Variants in PLSCR2 observed in about 807,000 individuals in gnomAD.
PLSCR2 encodes the protein phospholipid scramblase 2.
Under a neutral mutation model 25.3 loss-of-function variants are expected in PLSCR2, and 18 were observed. That is an observed-to-expected ratio of 0.71 (90% CI 0.49 to 1.06). The LOEUF is 1.06. Among genes scored for constraint, PLSCR2 ranks in the 50% least tolerant of loss-of-function variants. The probability of loss-of-function intolerance (pLI) is 0.00; values close to 1 mark genes in which losing one functional copy is unlikely to be tolerated. For synonymous variants in PLSCR2, 88 were observed against 87.3 expected (o/e 1.01, Z -0.04); for missense variants, 243 against 269.5 (o/e 0.90, Z 0.69).
At chr3:146,451,011 T>C (rs2040857597) in intron 5 of PLSCR2, among the ~76,000 whole-genome samples, 1 of 151,726 alleles carries the variant, frequency 6.6e-6, no homozygotes, top group Non-Finnish European at 1.5e-5. Context: ...ATATAACATT[T>C]TAAAAACAAA....
intron 2 of PLSCR2, among the ~76,000 whole-genome samples, chr3:146,414,434 A>G (rs1170047497): frequency 6.6e-6 from 1 of 152,258 alleles, no homozygotes; most frequent in Non-Finnish European, 1.5e-5. Flanking sequence ...GTAGTAAATG[A>G]TCTTGCATAA....
chr3:146,402,234 T>A (rs1231915450), intron 2 of PLSCR2, among the ~76,000 whole-genome samples: 1 of 152,118 alleles, frequency 6.6e-6, no homozygotes, highest in Admixed American at 6.5e-5. Context: ...TTTAAAATGC[T>A]GGGGTTTTAT....
intron 2 of PLSCR2, among the ~76,000 whole-genome samples, chr3:146,417,722 T>A (rs2039037290): frequency 6.6e-6 from 1 of 152,192 alleles, no homozygotes. Context: ...TTCAAAGTAG[T>A]TAGAAGAGAG....
chr3:146,468,012 C>T (rs896916834), intron 1 of PLSCR2, among the ~76,000 whole-genome samples: 2 of 152,160 alleles, frequency 1.3e-5, no homozygotes, highest in Non-Finnish European at 2.9e-5. Context: ...CACTTTAAGA[C>T]CTCAAAGGCC....
At chr3:146,449,646 T>C (rs1339816057) in intron 5 of PLSCR2, among the ~76,000 whole-genome samples, 2 of 152,162 alleles carry the variant, frequency 1.3e-5, no homozygotes, top group Admixed American at 6.5e-5. Flanking sequence ...ATGTTTTATT[T>C]ATTTGAATTT....
intron 5 of PLSCR2, among the ~76,000 whole-genome samples, chr3:146,452,204 G>T (rs573684054): frequency 6.6e-6 from 1 of 152,054 alleles, no homozygotes; most frequent in Non-Finnish European, 1.5e-5. Flanking sequence ...CCCAGTTGAT[G>T]TCTGTAGAGA....
At chr3:146,435,189 G>A (rs962993932) in intron 8 of PLSCR2, among the ~76,000 whole-genome samples, 4 of 152,056 alleles carry the variant, frequency 2.6e-5, no homozygotes, top group Non-Finnish European at 5.9e-5. Flanking sequence ...TATTTGGGTT[G>A]GTTCCAAGTC....
At chr3:146,415,751 TC>T (rs1400706851) in intron 2 of PLSCR2, among the ~76,000 whole-genome samples, 2 of 152,114 alleles carry the variant, frequency 1.3e-5, no homozygotes, top group Non-Finnish European at 2.9e-5. Flanking sequence ...AGAATTGAAA[TC>T]ATAAACTTTG....
At chr3:146,461,989 A>G (rs1351278870), upstream of PLSCR2, 16 of 1,050,904 alleles carry the variant, frequency 1.5e-5, no homozygotes, top group African/African-American at 3.2e-5. Flanking sequence ...ACAAGTCAAC[A>G]ACACATTTAG....
At chr3:146,468,506 T>C (rs2041964432) in intron 1 of PLSCR2, among the ~76,000 whole-genome samples, 1 of 152,210 alleles carries the variant, frequency 6.6e-6, no homozygotes, top group Non-Finnish European at 1.5e-5. Flanking sequence ...GAGAGTCAGC[T>C]TGGAGAGGCA....
At chr3:146,495,574 C>T (rs573395772) in intron 1 of PLSCR2, among the ~76,000 whole-genome samples, 1 of 152,266 alleles carries the variant, frequency 6.6e-6, no homozygotes, top group South Asian at 2.1e-4. Context: ...AAAGACCCCT[C>T]CCCGCTTCTG....
At chr3:146,476,678 G>A (rs188902182) in intron 1 of PLSCR2, among the ~76,000 whole-genome samples, 2 of 152,334 alleles carry the variant, frequency 1.3e-5, no homozygotes, top group Admixed American at 6.5e-5. Flanking sequence ...GTATTTCCCC[G>A]GCTGGTGCCT....
At chr3:146,438,552 C>A (rs1383662535), downstream of PLSCR2, among the ~76,000 whole-genome samples, 1 of 152,066 alleles carries the variant, frequency 6.6e-6, no homozygotes, top group Non-Finnish European at 1.5e-5. Flanking sequence ...CTCTTTTGAT[C>A]TTTGTTGGTT....
chr3:146,454,019 C>A, exon 5 of PLSCR2: 1 of 1,582,214 alleles, frequency 6.3e-7, no homozygotes, highest in Non-Finnish European at 8.5e-7. Flanking sequence ...TCAACACCCG[C>A]AATACAGCTG....
chr3:146,404,825 G>GGT (rs1223876333), intron 2 of PLSCR2, among the ~76,000 whole-genome samples: 52 of 150,564 alleles, frequency 3.5e-4, no homozygotes, highest in Non-Finnish European at 6.2e-4. Flanking sequence ...AAAAAAAGGG[G>GGT]GGGGGTGGTG....
downstream of PLSCR2, among the ~76,000 whole-genome samples, chr3:146,440,341 G>A (rs1423011759): frequency 6.6e-6 from 1 of 152,344 alleles, no homozygotes; most frequent in East Asian, 1.9e-4. Context: ...AGTTTCTGCT[G>A]CCTTTTCTTC....
chr3:146,423,924 C>T (rs1200511522), intron 2 of PLSCR2, among the ~76,000 whole-genome samples: 1 of 152,022 alleles, frequency 6.6e-6, no homozygotes, highest in Admixed American at 6.6e-5. Context: ...ATGTATTAAT[C>T]TTCTCAGGCT....
Position 146,393,317 on chromosome 3 carries a change from C to T in PLSCR2, c.*146-1755G>A, listed in dbSNP as rs146368355. Among the ~76,000 whole-genome samples the T allele has an allele frequency of 4.5e-3, 684 of 151,546 alleles. 6 individuals are homozygous for T. The highest frequency in any genetic ancestry group is 0.016 in the African/African-American group (656 of 41,430). ...TGCTGGGATTACAGGCGTGAGCCAC[C>T]GTGCCCAGCCTACATTTCTATATGT... On this transcript the variant is annotated intron_variant and NMD_transcript_variant, in intron 3 of 3. Transcript: ENST00000463633.
chr3:146,477,162 G>A (rs969683631), intron 1 of PLSCR2, among the ~76,000 whole-genome samples: 3 of 152,202 alleles, frequency 2.0e-5, no homozygotes, highest in Non-Finnish European at 2.9e-5. Context: ...AGCTCTCAGC[G>A]TGATCGATGC....
Sources: gnomAD v4.1 joint callset for allele counts (sites outside exome capture counted in the v4.1 genomes callset) on GRCh38, gnomAD v4.1.1 for gene constraint, MANE v1.5 for transcripts, NCBI Gene and HGNC (gene_info 2026-07-23, HGNC 2026-07-21) for gene names.